The following FMN2 variants were observed in gnomAD, a reference collection of about 807,000 sequenced individuals.
The protein encoded by FMN2 is formin-2.
In FMN2, 51 loss-of-function variants were observed where a neutral mutation model predicts 142.3. The observed-to-expected ratio is 0.36, with a 90% CI of 0.29 to 0.45. The LOEUF (loss-of-function observed/expected upper bound fraction) is 0.45, where lower values mean the gene tolerates loss of function less well. FMN2 is among the 20% of genes least tolerant of loss of function. The pLI is 1.00. For missense variants in FMN2, 1,936 were observed against 2,122.8 expected (o/e 0.91, Z 1.73); for synonymous variants, 882 against 869.8 (o/e 1.01, Z -0.25).
rs1457751045 is a variant in FMN2 at position 240,329,149 on chromosome 1, C to A, written c.4289C>A (p.Ser1430Tyr). The change falls in exon 9 of 18, where the codon TCT (serine) becomes TAT (tyrosine). Residue 1430 changes from serine (S) to tyrosine (Y), a missense_variant. Coordinates refer to ENST00000319653, the MANE Select transcript of FMN2 (RefSeq NM_020066.5). The part of the protein sequence containing the change: ...RSSKDKENAK[S>Y]LDKPEQFLYE... Reference sequence around the variant, plus strand: ...TCCAAAGACAAGGAAAATGCCAAGTCTCTGGACAAACCTGAACAGTAAGCA... The same window carrying A: ...TCCAAAGACAAGGAAAATGCCAAGTATCTGGACAAACCTGAACAGTAAGCA... 1 of 1,614,122 alleles carries A rather than the reference C, an allele frequency of 6.2e-7. No individual in the cohort carries two copies. Among genetic ancestry groups the A allele is most frequent in the African/African-American group, 1.3e-5 (1 of 75,060 alleles).
At chr1:240,193,332 G>A (rs113223860) in intron 4 of FMN2, among the ~76,000 whole-genome samples, 480 of 152,212 alleles carry the variant, frequency 3.2e-3, no homozygotes, top group African/African-American at 0.011. Flanking sequence ...AAAATCTTGG[G>A]TATTAAGAAG....
chr1:240,202,809 C>A (rs1343446631), intron 4 of FMN2, among the ~76,000 whole-genome samples: 1 of 152,060 alleles, frequency 6.6e-6, no homozygotes, highest in East Asian at 1.9e-4. Flanking sequence ...ATAATAATAT[C>A]CTTTAATTTT....
intron 15 of FMN2, among the ~76,000 whole-genome samples, chr1:240,425,204 T>TGAGAGAGAGAGAGAGAGAGAGAGAGA: frequency 3.0e-5 from 4 of 134,946 alleles, no homozygotes; most frequent in South Asian, 5.4e-4. Context: ...TTGAATGAGG[T>TGAGAGAGAGAGAGAGAGAGAGAGAGA]GAGAGAGAGA....
intron 13 of FMN2, among the ~76,000 whole-genome samples, chr1:240,347,919 T>C (rs761567228): frequency 9.9e-5 from 15 of 152,212 alleles, no homozygotes; most frequent in Non-Finnish European, 2.9e-5. Context: ...ATATGTACCA[T>C]ATTTTCTTTA....
At chr1:240,337,868 A>C (rs893947093) in intron 13 of FMN2, among the ~76,000 whole-genome samples, 1 of 152,118 alleles carries the variant, frequency 6.6e-6, no homozygotes, top group Non-Finnish European at 1.5e-5. Flanking sequence ...CTCACTCCCA[A>C]GATTTCCATA....
intron 14 of FMN2, among the ~76,000 whole-genome samples, chr1:240,381,440 C>CT (rs1185187246): frequency 2.0e-5 from 3 of 151,866 alleles, no homozygotes; most frequent in Non-Finnish European, 4.4e-5. Flanking sequence ...CATCCTTTTT[C>CT]TTTTTTTTAG....
intron 15 of FMN2, among the ~76,000 whole-genome samples, chr1:240,415,404 A>AG (rs1674544815): frequency 6.6e-6 from 1 of 152,008 alleles, no homozygotes; most frequent in Non-Finnish European, 1.5e-5. Context: ...GGCCTGGGGG[A>AG]GGGATAGCAT....
chr1:240,468,848 G>T (rs1676720010), intron 16 of FMN2, among the ~76,000 whole-genome samples: 1 of 152,090 alleles, frequency 6.6e-6, no homozygotes, highest in Non-Finnish European at 1.5e-5. Flanking sequence ...TTGGCAGCTG[G>T]CTCAGGCTGT....
chr1:240,271,181 T>C (rs1180401079), intron 7 of FMN2, among the ~76,000 whole-genome samples: 1 of 146,102 alleles, frequency 6.8e-6, no homozygotes, highest in African/African-American at 2.5e-5. Flanking sequence ...CTGTTGGGGT[T>C]GCCACTGAAT....
intron 8 of FMN2, among the ~76,000 whole-genome samples, chr1:240,298,102 A>G (rs944849525): frequency 3.9e-5 from 6 of 152,190 alleles, no homozygotes; most frequent in Non-Finnish European, 7.3e-5. Flanking sequence ...TTCAGCGTAT[A>G]GTATACTAGC....
intron 14 of FMN2, among the ~76,000 whole-genome samples, chr1:240,356,607 T>C (rs1288462082): frequency 2.0e-5 from 3 of 152,188 alleles, no homozygotes; most frequent in Non-Finnish European, 4.4e-5. Context: ...CATTTACTAC[T>C]CAAAATATTT....
At chr1:240,425,317 A>G (rs939316596) in intron 15 of FMN2, among the ~76,000 whole-genome samples, 9 of 152,066 alleles carry the variant, frequency 5.9e-5, no homozygotes, top group African/African-American at 1.9e-4. Context: ...GTGAGGCCAG[A>G]ATGACAGAAG....
At chr1:240,371,747 G>A (rs753390900) in intron 14 of FMN2, among the ~76,000 whole-genome samples, 1 of 152,032 alleles carries the variant, frequency 6.6e-6, no homozygotes, top group South Asian at 2.1e-4. Flanking sequence ...CATGTTACTT[G>A]GGCATTTGGA....
At chr1:240,187,121 T>C (rs1172452292) in intron 3 of FMN2, among the ~76,000 whole-genome samples, 2 of 130,762 alleles carry the variant, frequency 1.5e-5, no homozygotes, top group South Asian at 5.1e-4. Flanking sequence ...AAAAAAAAAA[T>C]TAGCTGGGTG....
chr1:240,334,045 C>T, intron 12 of FMN2, 64 bp from the exon 13 acceptor site: 1 of 1,568,450 alleles, frequency 6.4e-7, no homozygotes, highest in Non-Finnish European at 8.6e-7. Flanking sequence ...GACATACCTG[C>T]TATTATTCTT....
At chr1:240,418,369 G>T (rs796844028) in intron 15 of FMN2, among the ~76,000 whole-genome samples, 6 of 151,928 alleles carry the variant, frequency 3.9e-5, no homozygotes, top group African/African-American at 1.4e-4. Context: ...GCTAATTTTT[G>T]TATTTTTAGT....
At chr1:240,132,514 C>T (rs976846231) in intron 2 of FMN2, among the ~76,000 whole-genome samples, 18 of 151,986 alleles carry the variant, frequency 1.2e-4, no homozygotes, top group African/African-American at 1.9e-4. Flanking sequence ...GAGGTAGGCT[C>T]GTTGTGATTA....
chr1:240,142,608 G>A, intron 2 of FMN2: 8 of 1,493,888 alleles, frequency 5.4e-6, no homozygotes, highest in Non-Finnish European at 7.3e-6. Context: ...TCCACCCTTG[G>A]CAGCAGGATG....
intron 6 of FMN2, among the ~76,000 whole-genome samples, chr1:240,234,647 C>T (rs953313394): frequency 3.9e-5 from 6 of 152,082 alleles, no homozygotes; most frequent in Non-Finnish European, 7.4e-5. Context: ...CACCACCAAC[C>T]CCCCCACTAC....
Sources: allele counts gnomAD v4.1 joint callset (sites outside exome capture counted in the v4.1 genomes callset), GRCh38; gene constraint gnomAD v4.1.1; transcripts MANE v1.5; gene names NCBI Gene and HGNC (gene_info 2026-07-23, HGNC 2026-07-21).